Variants in PRSS57 observed in about 807,000 individuals in gnomAD.
PRSS57 encodes the protein serine protease 57.
PRSS57 carries 19 observed loss-of-function variants against 20.6 expected under a neutral mutation model. The ratio of observed to expected loss-of-function variants is 0.92; its 90% CI spans 0.64 to 1.35. PRSS57 has a LOEUF of 1.35. Ranked by LOEUF, PRSS57 falls within the 40% of genes most tolerant of loss-of-function variation. PRSS57 has a pLI of 0.00. For synonymous variants in PRSS57, 203 were observed against 176.6 expected (o/e 1.15, Z -1.19); for missense variants, 440 against 403.7 (o/e 1.09, Z -0.77).
chr19:691,373 C>T (rs1339592028), intron 3 of PRSS57, among the ~76,000 whole-genome samples: 4 of 151,422 alleles, frequency 2.6e-5, no homozygotes, highest in Admixed American at 6.6e-5. Flanking sequence ...GGTCTGGTGG[C>T]GAGTGCCTGT....
intron 2 of PRSS57, 63 bp downstream of exon 2, chr19:694,751 C>T (rs1227901892): frequency 1.4e-5 from 22 of 1,518,608 alleles, no homozygotes; most frequent in African/African-American, 9.8e-5. Flanking sequence ...CCCCACCAGC[C>T]TGGAGTCCCC....
At chr19:694,194 C>T (rs989545313) in intron 2 of PRSS57, among the ~76,000 whole-genome samples, 4 of 152,052 alleles carry the variant, frequency 2.6e-5, no homozygotes, top group Non-Finnish European at 4.4e-5. Flanking sequence ...CAACCTATCC[C>T]GTGCCTGGTG....
rs1408483871 is a variant in PRSS57, at chr19:685,557, T to A, written c.*159A>T. The A allele has an allele frequency of 1.0e-5, 7 of 695,594 alleles. No homozygotes were observed. The highest frequency in any genetic ancestry group is 9.0e-5 in the African/African-American group (5 of 55,852). The allele number at this position is 695,594 out of a possible 1,614,324, so 43.1% of individuals were successfully genotyped here. A position where few individuals can be genotyped will look rare whatever the true frequency, so the allele number is the denominator to read the frequency against. On this transcript the variant is annotated 3_prime_UTR_variant, in exon 5 of 5. Coordinates refer to ENST00000329267, the MANE Select transcript of PRSS57 (RefSeq NM_001308209.2). ...GGGTGAGGCTGGAAGTCAGTTAACATTTTACTGGGTTTGCTTCTGCCCTTT... is the reference window on the plus strand; with the variant it reads ...GGGTGAGGCTGGAAGTCAGTTAACAATTTACTGGGTTTGCTTCTGCCCTTT...
In PRSS57 at chr19:687,137, C is replaced by A; in HGVS notation, c.430G>T (p.Gly144Trp). The A allele has an allele frequency of 6.2e-7, 1 of 1,604,796 alleles. No homozygotes were observed. Among genetic ancestry groups the A allele is most frequent in the South Asian group, 1.1e-5 (1 of 90,066 alleles). Residue 144 changes from glycine to tryptophan, a missense_variant, in exon 4 of 5, where the codon GGG becomes TGG. Physicochemically the swap from Gly to Trp is radical, Grantham distance 184. Transcript: ENST00000329267. ...GPAVGLLRPP[G>W]RRARPPTAGT... is the part of the protein sequence containing the mutation. ...GCTGTGGGGGGCCTGGCCCTTCTCC[C>A]TGGCGGCCTCAGCAGCCCCACTGCA...
chr19:694,226 C>G lies in PRSS57; in HGVS notation c.233+588G>C, dbSNP rs977675408. Among the ~76,000 whole-genome samples the G allele has an allele frequency of 5.3e-5, 8 of 152,040 alleles. No homozygotes were observed. In the South Asian group the frequency reaches 8.3e-4, roughly 16 times the overall value. On this transcript the variant is annotated intron_variant, in intron 2 of 4. Transcript: ENST00000329267. ...GGTGGGGGCTCCTGCAGGAGGGGAC[C>G]CACCCACCCTGGCCCCAATATACAT... is the stretch of plus-strand genomic sequence containing the variant.
chr19:685,636 T>A lies in PRSS57; in HGVS notation c.*80A>T. The A allele has an allele frequency of 1.5e-6, 2 of 1,371,976 alleles. No individual in the cohort carries two copies. The highest frequency in any genetic ancestry group is 2.0e-6 in the Non-Finnish European group (2 of 1,021,694). The allele number at this position is 1,371,976 out of a possible 1,614,324, so 85.0% of individuals were successfully genotyped here. A position where few individuals can be genotyped will look rare whatever the true frequency, so the allele number is the denominator to read the frequency against. ...GCCCGTCCCACCCCAACCCTGAACA[T>A]CAGGCTTCCCGTGGGGCCCAGCCAC... On this transcript the variant is annotated 3_prime_UTR_variant, in exon 5 of 5. Transcript: ENST00000329267.
At chr19:691,763 G>A (rs1442451504) in intron 3 of PRSS57, 95 bp downstream of exon 3, 4 of 1,170,410 alleles carry the variant, frequency 3.4e-6, no homozygotes, top group East Asian at 3.2e-5. Context: ...AGGTTGCAGT[G>A]AGCCGAGATT....
In PRSS57 at chr19:694,798, C is replaced by A; in HGVS notation, c.233+16G>T. 1 of 1,600,898 alleles carries A rather than the reference C, an allele frequency of 6.2e-7. No individual in the cohort carries two copies. Among genetic ancestry groups the A allele is most frequent in the Non-Finnish European group, 8.5e-7 (1 of 1,174,552 alleles). ...ATACGGTGTCCAGAAAGAAGGGGCCCGACAGGTGAGCTCACCTGTGGCTGA... is the reference window on the plus strand; with the variant it reads ...ATACGGTGTCCAGAAAGAAGGGGCCAGACAGGTGAGCTCACCTGTGGCTGA... On this transcript the variant is annotated intron_variant, in intron 2 of 4. Coordinates refer to ENST00000329267, the MANE Select transcript of PRSS57 (RefSeq NM_001308209.2).
chr19:689,392 C>T (rs148313558), intron 3 of PRSS57, among the ~76,000 whole-genome samples: 3,895 of 152,052 alleles, frequency 0.026, 71 homozygotes, highest in Non-Finnish European at 0.042. Context: ...GGGAAAGGCT[C>T]GCGGTGTCTG....
At chr19:694,698 G>A (rs1453180570) in intron 2 of PRSS57, 116 bp downstream of exon 2, 7 of 1,218,550 alleles carry the variant, frequency 5.7e-6, no homozygotes, top group Non-Finnish European at 7.9e-6. Flanking sequence ...TCCAGCCCCT[G>A]CTGAGACTCC....
intron 3 of PRSS57, among the ~76,000 whole-genome samples, chr19:688,343 C>CT (rs2031533991): frequency 7.4e-6 from 1 of 135,284 alleles, no homozygotes; most frequent in Admixed American, 6.9e-5. Context: ...TGCTCCTCCT[C>CT]CTTTTTTTTT....
At position 685,682 on chromosome 19, in the gene PRSS57, C is replaced by T. The variant is rs756392524; in HGVS notation, c.*34G>A. 1.8e-5 allele frequency: 27 copies of T among 1,483,676 alleles called. No individual in the cohort carries two copies. Among genetic ancestry groups the T allele is most frequent in the South Asian group, 2.6e-5 (2 of 77,818 alleles). The allele number at this position is 1,483,676 out of a possible 1,614,324, so 91.9% of individuals were successfully genotyped here. A position where few individuals can be genotyped will look rare whatever the true frequency, so the allele number is the denominator to read the frequency against. Reference sequence around the variant, plus strand: ...GCCACGGAACATTCCAGGCCTGGAGCGGCCATCTCATTTGCATGCCGCAAG... The same window carrying T: ...GCCACGGAACATTCCAGGCCTGGAGTGGCCATCTCATTTGCATGCCGCAAG... On this transcript the variant is annotated 3_prime_UTR_variant, in exon 5 of 5. Coordinates refer to ENST00000329267, the MANE Select transcript of PRSS57 (RefSeq NM_001308209.2).
At position 686,962 on chromosome 19, in the gene PRSS57, G is replaced by T. The variant is rs772328089; in HGVS notation, c.605C>A (p.Thr202Asn). Reference protein sequence around the residue: ...KGHLTLTMLCTRSGDSHRRGF... With the variant: ...KGHLTLTMLCNRSGDSHRRGF... ...CCGTCTGTGGCTGTCCCCACTGCGG[G>T]TGCAGAGCATGGTAAGTGTCAGGTG... Residue 202 changes from threonine (T) to asparagine (N), a missense_variant, in exon 4 of 5, where the codon ACC (threonine) becomes AAC (asparagine). Transcript: ENST00000329267. The T allele has an allele frequency of 1.2e-5, 20 of 1,614,006 alleles. No individual in the cohort carries two copies. The highest frequency in any genetic ancestry group is 6.7e-5 in the Admixed American group (4 of 60,000).
chr19:686,047 A>C, intron 4 of PRSS57, 125 bp from the exon 5 acceptor site: 11 of 851,948 alleles, frequency 1.3e-5, no homozygotes, highest in South Asian at 3.7e-5. Context: ...AAGTAAATTC[A>C]TTTCTCCCCT....
rs750848398 is a variant in PRSS57, at chr19:687,070, T to G, written c.497A>C (p.Asp166Ala). The G allele has an allele frequency of 2.6e-5, 42 of 1,613,822 alleles. No individual in the cohort carries two copies. The highest frequency in any genetic ancestry group is 3.5e-5 in the Non-Finnish European group (41 of 1,180,002). ...CAGTCCAGGCGGCAGCTCCTCAAAG[T>G]CAGACACGAAGCCCCAGCCAGCCAC... ...CRVAGWGFVS[D>A]FEELPPGLME... Residue 166 changes from aspartate (D) to alanine (A), a missense_variant, in exon 4 of 5, where the codon GAC becomes GCC. Physicochemically the swap from Asp to Ala is moderately radical, Grantham distance 126. Transcript: ENST00000329267.
intron 4 of PRSS57, 64 bp from the exon 5 acceptor site, chr19:685,986 G>A (rs2031464891): frequency 3.7e-6 from 5 of 1,346,524 alleles, no homozygotes; most frequent in African/African-American, 1.5e-5. Flanking sequence ...TCTCACCACG[G>A]CCCTCCCTGC....
At chr19:687,923 T>C (rs2031524594) in intron 3 of PRSS57, among the ~76,000 whole-genome samples, 1 of 152,176 alleles carries the variant, frequency 6.6e-6, no homozygotes, top group Non-Finnish European at 1.5e-5. Flanking sequence ...ACACTTTTCC[T>C]ATTCAGCCAT....
chr19:690,612 T>C, intron 3 of PRSS57: 1 of 253,376 alleles, frequency 3.9e-6, no homozygotes, highest in Non-Finnish European at 8.0e-6. Flanking sequence ...AGGGCCTCTC[T>C]CCAGGACGAG....
In PRSS57 at chr19:685,760, C is replaced by T. The variant is rs759807196; in HGVS notation, c.805G>A (p.Gly269Ser). 1.0e-5 allele frequency: 16 copies of T among 1,561,602 alleles called. No homozygotes were observed. The highest frequency in any genetic ancestry group is 7.3e-5 in the Admixed American group (4 of 54,540). The change falls in exon 5 of 5, where the codon GGC (glycine) becomes AGC (serine). Residue 269 changes from glycine to serine, a missense_variant. Gly to Ser is a moderately conservative substitution (Grantham distance 56). Coordinates refer to ENST00000329267, the MANE Select transcript of PRSS57 (RefSeq NM_001308209.2). ...DVVRRSSPQPGPLPGTTRPPG... is the reference protein window; with the variant it reads ...DVVRRSSPQPSPLPGTTRPPG... ...GGCCTGGTGGTCCCAGGCAGGGGGC[C>T]GGGCTGGGGACTGCTCCGCCGAACC...
Sources: allele counts gnomAD v4.1 joint callset (sites outside exome capture counted in the v4.1 genomes callset), GRCh38; gene constraint gnomAD v4.1.1; transcripts MANE v1.5; gene names NCBI Gene and HGNC (gene_info 2026-07-23, HGNC 2026-07-21).